Variants in THSD4 observed in about 807,000 individuals in gnomAD.
The protein encoded by THSD4 is thrombospondin type-1 domain-containing protein 4.
Under a neutral mutation model 119.0 loss-of-function variants are expected in THSD4, and 69 were observed. The observed-to-expected ratio is 0.58, with a 90% CI of 0.48 to 0.71. The LOEUF (loss-of-function observed/expected upper bound fraction) is 0.71. Ranked by LOEUF, THSD4 falls within the 30% of genes least tolerant of loss-of-function variation. The pLI, the probability that THSD4 is intolerant of heterozygous loss-of-function variation, is 0.00. For synonymous variants in THSD4, 524 were observed against 540.4 expected, an observed-to-expected ratio of 0.97 and a Z score of 0.42; for missense variants, 1,393 against 1,391.1, an observed-to-expected ratio of 1.00 and a Z score of -0.02.
At chr15:71,770,288 A>G (rs2053797421) in intron 16 of THSD4, among the ~76,000 whole-genome samples, 1 of 136,488 alleles carries the variant, frequency 7.3e-6, no homozygotes, top group East Asian at 2.1e-4. Context: ...AAGAAAATGT[A>G]TTTAAATGTC....
intron 6 of THSD4, among the ~76,000 whole-genome samples, chr15:71,348,922 A>G (rs536298057): frequency 6.6e-6 from 1 of 152,310 alleles, no homozygotes; most frequent in Admixed American, 6.5e-5. Flanking sequence ...AGGTTCTTGC[A>G]TTTTTGTTAT....
At chr15:71,332,171 C>T (rs139771158) in intron 6 of THSD4, among the ~76,000 whole-genome samples, 2 of 152,294 alleles carry the variant, frequency 1.3e-5, no homozygotes, top group East Asian at 1.9e-4. Context: ...TGCTGGGTTC[C>T]GCTATTGCCT....
At chr15:71,705,517 T>C (rs1449986514) in intron 8 of THSD4, among the ~76,000 whole-genome samples, 1 of 152,166 alleles carries the variant, frequency 6.6e-6, no homozygotes, top group East Asian at 1.9e-4. Context: ...TCCTTGCATA[T>C]CTGGTCAGAT....
chr15:71,154,796 G>T, intron 2 of THSD4, 67 bp from the exon 3 acceptor site: 1 of 1,521,406 alleles, frequency 6.6e-7, no homozygotes, highest in Non-Finnish European at 9.1e-7. Flanking sequence ...TGGCGATGCT[G>T]CCTTCCCTGG....
intron 6 of THSD4, among the ~76,000 whole-genome samples, chr15:71,367,891 G>A (rs1244954711): frequency 6.6e-6 from 1 of 152,220 alleles, no homozygotes; most frequent in Non-Finnish European, 1.5e-5. Flanking sequence ...TTAGTTTACA[G>A]TCCCACCAAC....
At chr15:71,752,461 C>G (rs997232404) in intron 14 of THSD4, among the ~76,000 whole-genome samples, 7 of 152,198 alleles carry the variant, frequency 4.6e-5, no homozygotes, top group African/African-American at 1.7e-4. Flanking sequence ...CTAAATCATG[C>G]AAGTTGGGTG....
At chr15:71,408,721 G>A (rs1241976824) in intron 6 of THSD4, among the ~76,000 whole-genome samples, 2 of 152,060 alleles carry the variant, frequency 1.3e-5, no homozygotes, top group Non-Finnish European at 2.9e-5. Flanking sequence ...GTGTGGTGGT[G>A]CATACCTGTA....
At chr15:71,353,203 CTTTAT>C (rs2045766180) in intron 6 of THSD4, among the ~76,000 whole-genome samples, 1 of 152,196 alleles carries the variant, frequency 6.6e-6, no homozygotes, top group African/African-American at 2.4e-5. Context: ...TTTAAGCCTA[CTTTAT>C]TTTCATTCAG....
intron 6 of THSD4, among the ~76,000 whole-genome samples, chr15:71,299,763 G>A (rs2044917957): frequency 6.6e-6 from 1 of 151,868 alleles, no homozygotes; most frequent in Non-Finnish European, 1.5e-5. Context: ...TAATCATTTT[G>A]CAATGTATAC....
chr15:71,362,771 A>G (rs887173452), intron 6 of THSD4, among the ~76,000 whole-genome samples: 5 of 151,654 alleles, frequency 3.3e-5, no homozygotes, highest in African/African-American at 9.7e-5. Flanking sequence ...CCCTAATTTC[A>G]TCCTCCCCCT....
intron 7 of THSD4, among the ~76,000 whole-genome samples, chr15:71,558,818 C>T (rs79033957): frequency 2.7e-4 from 41 of 152,176 alleles, no homozygotes; most frequent in African/African-American, 9.4e-4. Flanking sequence ...TTTTCTCTGA[C>T]CCAAGCACTA....
rs146070474 is a variant in THSD4, at chr15:71,613,709, A to C, written c.1153-46821A>C. The stretch of plus-strand genomic sequence containing the variant: ...GTTCTGAAGGGTTTCTTCTGTGCAC[A>C]CACAGGATCATATCTCATCTAAACC... On this transcript the variant is annotated intron_variant, in intron 7 of 17. Transcript: ENST00000261862. 1.7e-3 allele frequency among the ~76,000 whole-genome samples: 254 copies of C among 152,300 alleles called. 1 individual carries two copies. The highest frequency in any genetic ancestry group is 5.8e-3 in the African/African-American group (243 of 41,572).
chr15:71,623,919 C>A (rs8025936), intron 7 of THSD4, among the ~76,000 whole-genome samples: 2 of 147,290 alleles, frequency 1.4e-5, no homozygotes, highest in Non-Finnish European at 1.5e-5. Flanking sequence ...GCAAAACTCC[C>A]TCTCAAGAAA....
chr15:71,459,135 CTTTTCT>C (rs1333155585), intron 7 of THSD4, among the ~76,000 whole-genome samples: 1 of 149,142 alleles, frequency 6.7e-6, no homozygotes, highest in African/African-American at 2.5e-5. Flanking sequence ...TAGTATCAGC[CTTTTCT>C]TTTTCATTTT....
At chr15:71,470,412 A>G (rs2047558892) in intron 7 of THSD4, among the ~76,000 whole-genome samples, 1 of 152,236 alleles carries the variant, frequency 6.6e-6, no homozygotes, top group African/African-American at 2.4e-5. Context: ...TTAAAACCCA[A>G]GTGATAACCA....
intron 8 of THSD4, among the ~76,000 whole-genome samples, chr15:71,676,950 CTT>C (rs2051664239): frequency 6.6e-6 from 1 of 152,152 alleles, no homozygotes; most frequent in Admixed American, 6.5e-5. Context: ...ACTTCCAATT[CTT>C]TTGGGTATAT....
intron 7 of THSD4, among the ~76,000 whole-genome samples, chr15:71,564,527 G>C (rs12913113): frequency 0.84 from 127,647 of 151,960 alleles, 54,129 homozygotes; most frequent in Non-Finnish European, 0.89. Flanking sequence ...GAAGTCTGTA[G>C]AAGTTCAGAT....
chr15:71,256,453 C>T lies in THSD4; in HGVS notation c.913-160C>T, dbSNP rs150886192. 3.0e-3 allele frequency among the ~76,000 whole-genome samples: 428 copies of T among 142,936 alleles called. 2 individuals are homozygous for T. The highest frequency in any genetic ancestry group is 9.9e-3 in the African/African-American group (376 of 37,962). The allele number at this position is 142,936 out of a possible 152,430, so 93.8% of individuals were successfully genotyped here. ...TTGGGCCACTGCACTCCAGCCTGGG[C>T]GACAAGGGTGAGACTCCATCTCAAA... On this transcript the variant is annotated intron_variant, in intron 5 of 17. Transcript: ENST00000261862.
At chr15:71,181,238 A>G (rs1164655938) in intron 3 of THSD4, among the ~76,000 whole-genome samples, 4 of 152,198 alleles carry the variant, frequency 2.6e-5, no homozygotes, top group Non-Finnish European at 5.9e-5. Flanking sequence ...AATTAAGAGC[A>G]TTTCTACTTA....
Sources: allele counts gnomAD v4.1 joint callset (sites outside exome capture counted in the v4.1 genomes callset), GRCh38; gene constraint gnomAD v4.1.1; transcripts MANE v1.5; gene names NCBI Gene and HGNC (gene_info 2026-07-23, HGNC 2026-07-21).